The following GLG1 variants were observed in gnomAD, a reference collection of about 807,000 sequenced individuals.
The protein encoded by GLG1 is Golgi apparatus protein 1.
Under a neutral mutation model 160.5 loss-of-function variants are expected in GLG1, and 38 were observed. The ratio of observed to expected loss-of-function variants is 0.24; its 90% CI spans 0.18 to 0.31. The LOEUF (loss-of-function observed/expected upper bound fraction) is 0.31, where lower values mean the gene tolerates loss of function less well. Among genes scored for constraint, GLG1 ranks in the 10% least tolerant of loss-of-function variants. The pLI is 1.00. For synonymous variants in GLG1, 644 were observed against 543.4 expected (o/e 1.19, Z -2.57); for missense variants, 1,373 against 1,505.2 (o/e 0.91, Z 1.45).
intron 9 of GLG1, among the ~76,000 whole-genome samples, chr16:74,485,393 G>A (rs1427717389): frequency 6.6e-6 from 1 of 152,094 alleles, no homozygotes; most frequent in East Asian, 1.9e-4. Context: ...ATTTTCTGAT[G>A]ATTACCAGGT....
At chr16:74,586,218 A>T (rs1958049954) in intron 1 of GLG1, among the ~76,000 whole-genome samples, 1 of 152,156 alleles carries the variant, frequency 6.6e-6, no homozygotes, top group African/African-American at 2.4e-5. Flanking sequence ...ACAAGATAAA[A>T]GGAACCTGGG....
chr16:74,509,441 T>G (rs2016728790), intron 2 of GLG1, among the ~76,000 whole-genome samples: 3 of 152,056 alleles, frequency 2.0e-5, no homozygotes, highest in Admixed American at 2.0e-4. Flanking sequence ...AGCTCAGATT[T>G]GGTGGATTCA....
intron 2 of GLG1, among the ~76,000 whole-genome samples, chr16:74,509,392 T>A (rs935208127): frequency 6.6e-6 from 1 of 152,060 alleles, no homozygotes; most frequent in African/African-American, 2.4e-5. Flanking sequence ...ATAGGTTATA[T>A]GAGCTAAATT....
chr16:74,598,613 C>G (rs911603670), intron 1 of GLG1, among the ~76,000 whole-genome samples: 7 of 146,958 alleles, frequency 4.8e-5, no homozygotes, highest in African/African-American at 1.5e-4. Context: ...ATAAATAAGG[C>G]CGGGCGCGGT....
chr16:74,484,597 C>A (rs2015724814), intron 9 of GLG1, among the ~76,000 whole-genome samples: 1 of 151,920 alleles, frequency 6.6e-6, no homozygotes, highest in African/African-American at 2.4e-5. Flanking sequence ...CCTGTCTCTA[C>A]TAAAAACACA....
At position 74,452,085 on chromosome 16, in the gene GLG1, A is replaced by G; in HGVS notation, c.*1082T>C. 1 of 1,614,032 alleles carries G rather than the reference A, an allele frequency of 6.2e-7. No individual in the cohort carries two copies. Among genetic ancestry groups the G allele is most frequent in the Non-Finnish European group, 8.5e-7 (1 of 1,179,866 alleles). ...GCTGGACTGCCTGTCACATCCTGAG[A>G]CCACACTAAACCTTTATAAGCCATT... On this transcript the variant is annotated 3_prime_UTR_variant, in exon 26 of 26. Coordinates refer to ENST00000422840, the MANE Select transcript of GLG1 (RefSeq NM_001145667.2).
chr16:74,466,462 C>A (rs544905042), intron 18 of GLG1, among the ~76,000 whole-genome samples: 1 of 152,302 alleles, frequency 6.6e-6, no homozygotes, highest in South Asian at 2.1e-4. Context: ...TGGGAAGGTG[C>A]AGCAGCTGGG....
chr16:74,570,840 A>G (rs1321927764), intron 1 of GLG1, among the ~76,000 whole-genome samples: 2 of 152,196 alleles, frequency 1.3e-5, no homozygotes, highest in East Asian at 3.9e-4. Context: ...GCAAGCTACA[A>G]TCATGCCACT....
chr16:74,497,102 A>C (rs2016217372), intron 4 of GLG1, among the ~76,000 whole-genome samples: 1 of 152,012 alleles, frequency 6.6e-6, no homozygotes, highest in Non-Finnish European at 1.5e-5. Context: ...AACATGGTGA[A>C]GGCCCATCTG....
chr16:74,582,994 T>C (rs1957971453), intron 1 of GLG1, among the ~76,000 whole-genome samples: 1 of 152,150 alleles, frequency 6.6e-6, no homozygotes, highest in Admixed American at 6.6e-5. Flanking sequence ...TTTAAATTTC[T>C]CTTTTCTTGA....
intron 1 of GLG1, among the ~76,000 whole-genome samples, chr16:74,562,128 G>A (rs1040946085): frequency 2.0e-5 from 3 of 152,228 alleles, no homozygotes; most frequent in Non-Finnish European, 4.4e-5. Context: ...TTTCCCTCAC[G>A]GGGCATTCCT....
chr16:74,526,345 C>A (rs1384742478), intron 2 of GLG1, among the ~76,000 whole-genome samples: 3 of 146,328 alleles, frequency 2.1e-5, no homozygotes, highest in South Asian at 2.3e-4. Context: ...TATGGTAATT[C>A]TTTTCCTTAG....
chr16:74,605,408 T>C (rs914812283), intron 1 of GLG1, among the ~76,000 whole-genome samples: 1 of 152,196 alleles, frequency 6.6e-6, no homozygotes, highest in African/African-American at 2.4e-5. Flanking sequence ...GATCCTAGTT[T>C]GATGAAACGA....
intron 8 of GLG1, among the ~76,000 whole-genome samples, chr16:74,488,444 G>A (rs555565574): frequency 7.2e-5 from 11 of 152,108 alleles, no homozygotes; most frequent in South Asian, 2.1e-4. Context: ...TAAAACATTC[G>A]TCAATTTGAC....
At chr16:74,584,694 G>T (rs964188388) in intron 1 of GLG1, among the ~76,000 whole-genome samples, 4 of 151,974 alleles carry the variant, frequency 2.6e-5, no homozygotes, top group African/African-American at 9.7e-5. Flanking sequence ...TGAGGCGGGT[G>T]GTCACAAGGT....
At chr16:74,518,757 G>A (rs1268485923) in intron 2 of GLG1, among the ~76,000 whole-genome samples, 1 of 152,160 alleles carries the variant, frequency 6.6e-6, no homozygotes, top group Non-Finnish European at 1.5e-5. Context: ...AGAGTGAACA[G>A]GCAACCTACA....
At chr16:74,594,758 G>C (rs1321918531) in intron 1 of GLG1, among the ~76,000 whole-genome samples, 4 of 152,066 alleles carry the variant, frequency 2.6e-5, no homozygotes, top group Non-Finnish European at 5.9e-5. Flanking sequence ...TTTTGTTTTT[G>C]AGACAGACTC....
At position 74,542,735 on chromosome 16, in the gene GLG1, GAGGAAGGAAGGAAGGAAGGA is replaced by G. The variant is rs1193967031; in HGVS notation, c.439-10602_439-10583del. On this transcript the variant is annotated intron_variant, in intron 1 of 25. Coordinates refer to ENST00000422840, the MANE Select transcript of GLG1 (RefSeq NM_001145667.2). Reference sequence around the variant, plus strand: ...GAAGAAGGGAAGGAAGGAAGGAAGGGAGGAAGGAAGGAAGGAAGGAAGGAAGGAAGGAAGGAAGGAAGGAA... The same window carrying G: ...GAAGAAGGGAAGGAAGGAAGGAAGGGAGGAAGGAAGGAAGGAAGGAAGGAA... 6.5e-3 allele frequency among the ~76,000 whole-genome samples: 186 copies of G among 28,658 alleles called. 2 individuals are homozygous for G. The highest frequency in any genetic ancestry group is 0.02 in the African/African-American group (156 of 7,626). The allele number at this position is 28,658 out of a possible 152,430, so 18.8% of individuals were successfully genotyped here.
chr16:74,532,861 T>C (rs2017583209), intron 1 of GLG1, among the ~76,000 whole-genome samples: 1 of 152,146 alleles, frequency 6.6e-6, no homozygotes, highest in African/African-American at 2.4e-5. Context: ...CTAATGCTGC[T>C]ATTGGGGGAA....
Sources: allele counts gnomAD v4.1 joint callset (sites outside exome capture counted in the v4.1 genomes callset), GRCh38; gene constraint gnomAD v4.1.1; transcripts MANE v1.5; gene names NCBI Gene and HGNC (gene_info 2026-07-23, HGNC 2026-07-21).